UNC13C: variants seen among roughly 807,000 people sequenced by gnomAD.
UNC13C encodes the protein unc-13 homolog C.
UNC13C carries 174 observed loss-of-function variants against 245.4 expected under a neutral mutation model. The observed-to-expected ratio is 0.71, with a 90% confidence interval of 0.63 to 0.80. UNC13C has a LOEUF of 0.80. Ranked by LOEUF, UNC13C falls within the 30% of genes least tolerant of loss-of-function variation. UNC13C has a pLI of 0.00. For missense variants in UNC13C, 2,829 were observed against 2,602.9 expected (o/e 1.09, Z -1.89); for synonymous variants, 992 against 895.1 (o/e 1.11, Z -1.93).
chr15:54,191,962 T>C (rs757518868), intron 4 of UNC13C, among the ~76,000 whole-genome samples: 4 of 152,198 alleles, frequency 2.6e-5, no homozygotes, highest in Admixed American at 6.5e-5. Flanking sequence ...CTTTGTCAGA[T>C]GGATAGATTG....
intron 2 of UNC13C, among the ~76,000 whole-genome samples, chr15:54,079,918 C>G (rs193059468): frequency 1.3e-5 from 2 of 151,222 alleles, no homozygotes; most frequent in East Asian, 3.9e-4. Context: ...TCAACTTTTC[C>G]CCATTCAGTA....
At chr15:54,520,912 T>A (rs991489136) in intron 24 of UNC13C, among the ~76,000 whole-genome samples, 2 of 152,142 alleles carry the variant, frequency 1.3e-5, no homozygotes, top group African/African-American at 2.4e-5. Flanking sequence ...GGAAGGATAT[T>A]GGCTAGATGT....
At chr15:54,467,244 G>A (rs117779702) in intron 19 of UNC13C, among the ~76,000 whole-genome samples, 6,165 of 151,894 alleles carry the variant, frequency 0.041, 167 homozygotes, top group Non-Finnish European at 0.063. Flanking sequence ...TTCAGTAAAT[G>A]ATGGAGTTTT....
intron 2 of UNC13C, among the ~76,000 whole-genome samples, chr15:54,113,615 A>T (rs1460430669): frequency 6.6e-6 from 1 of 152,128 alleles, no homozygotes; most frequent in African/African-American, 2.4e-5. Flanking sequence ...TCATGAAGTC[A>T]GGAGATCAAG....
At chr15:54,461,469 C>G (rs1257762826) in intron 19 of UNC13C, among the ~76,000 whole-genome samples, 1 of 152,110 alleles carries the variant, frequency 6.6e-6, no homozygotes, top group Non-Finnish European at 1.5e-5. Flanking sequence ...TAAATGTCAT[C>G]TAGCAAAATA....
At chr15:54,283,170 G>C (rs2037044079) in intron 10 of UNC13C, among the ~76,000 whole-genome samples, 2 of 152,108 alleles carry the variant, frequency 1.3e-5, no homozygotes, top group African/African-American at 4.8e-5. Flanking sequence ...ACTGTATTCA[G>C]CTTTGAGGAG....
intron 2 of UNC13C, among the ~76,000 whole-genome samples, chr15:54,054,393 A>G (rs963237337): frequency 1.3e-5 from 2 of 152,212 alleles, no homozygotes; most frequent in Non-Finnish European, 2.9e-5. Context: ...GCATCCTGCT[A>G]TCATAATACC....
At chr15:53,945,530 C>T in the UNC13C span, among the ~76,000 whole-genome samples, 6 of 152,016 alleles carry the variant, frequency 3.9e-5, no homozygotes, top group Admixed American at 3.3e-4. Context: ...TTTTTGTCAG[C>T]TTTGTAAAAA....
rs1203605020 is a variant in UNC13C, at chr15:54,455,164, CCTCTCTCT to C, written c.4934-39409_4934-39402del. Among the ~76,000 whole-genome samples the C allele has an allele frequency of 3.8e-3, 66 of 17,518 alleles. 2 individuals are homozygous for C. The highest frequency in any genetic ancestry group is 0.011 in the African/African-American group (56 of 5,194). The allele number at this position is 17,518 out of a possible 152,430, so 11.5% of individuals were successfully genotyped here. A position where few individuals can be genotyped will look rare whatever the true frequency, so the allele number is the denominator to read the frequency against. ...TTCCTTTCTATGGCTGAGTCATATT[CCTCTCTCT>C]CTCTCTCTCTCTCTCTCTCTCTCTC... On this transcript the variant is annotated intron_variant, in intron 19 of 32. Coordinates refer to ENST00000260323, the MANE Select transcript of UNC13C (RefSeq NM_001080534.3).
intron 19 of UNC13C, among the ~76,000 whole-genome samples, chr15:54,453,625 T>C (rs1891304711): frequency 6.6e-6 from 1 of 152,234 alleles, no homozygotes; most frequent in Non-Finnish European, 1.5e-5. Flanking sequence ...GTGCAAATTA[T>C]CAGGAATGAA....
chr15:54,587,886 T>C (rs1346171870), intron 30 of UNC13C, among the ~76,000 whole-genome samples: 2 of 152,224 alleles, frequency 1.3e-5, no homozygotes, highest in Non-Finnish European at 2.9e-5. Flanking sequence ...TTAGATACAT[T>C]TTAATGACTA....
intron 8 of UNC13C, among the ~76,000 whole-genome samples, chr15:54,250,835 C>A (rs1250076847): frequency 9.8e-5 from 14 of 142,726 alleles, no homozygotes; most frequent in Middle Eastern, 3.8e-3. Flanking sequence ...CAACTCACTG[C>A]AAGCTCTGCC....
the UNC13C span, among the ~76,000 whole-genome samples, chr15:53,934,391 C>T: frequency 6.6e-6 from 1 of 152,296 alleles, no homozygotes; most frequent in South Asian, 2.1e-4. Context: ...GAGTTCTTTC[C>T]AACCCCCGCC....
intron 2 of UNC13C, among the ~76,000 whole-genome samples, chr15:54,076,769 G>C (rs1054490403): frequency 4.6e-5 from 7 of 152,178 alleles, no homozygotes; most frequent in African/African-American, 1.2e-4. Flanking sequence ...TTTTAGGTCA[G>C]ATCCCTGTGG....
intron 29 of UNC13C, among the ~76,000 whole-genome samples, chr15:54,567,017 GA>G (rs972650921): frequency 2.6e-5 from 4 of 151,928 alleles, no homozygotes; most frequent in East Asian, 1.9e-4. Context: ...TAAACAGGTA[GA>G]AAAAAACATC....
intron 30 of UNC13C, among the ~76,000 whole-genome samples, chr15:54,593,143 C>T (rs116669569): frequency 9.0e-4 from 137 of 152,302 alleles, no homozygotes; most frequent in African/African-American, 3.2e-3. Context: ...GGCCCAATCC[C>T]TTTTAGCTTG....
intron 1 of UNC13C, among the ~76,000 whole-genome samples, chr15:53,994,802 A>T (rs966335473): frequency 2.0e-5 from 3 of 152,158 alleles, no homozygotes; most frequent in African/African-American, 7.2e-5. Flanking sequence ...GAACTTATAT[A>T]AAAATGTTTA....
intron 4 of UNC13C, among the ~76,000 whole-genome samples, chr15:54,193,255 T>C (rs2034246444): frequency 1.3e-5 from 2 of 152,282 alleles, no homozygotes; most frequent in South Asian, 4.1e-4. Flanking sequence ...TTATGAATCA[T>C]AAATTCACCC....
At chr15:54,601,229 G>A (rs1032509850) in intron 30 of UNC13C, among the ~76,000 whole-genome samples, 1 of 152,170 alleles carries the variant, frequency 6.6e-6, no homozygotes, top group Non-Finnish European at 1.5e-5. Context: ...AACATGTTTT[G>A]GTGACCTATA....
Sources: gnomAD v4.1 joint callset for allele counts (sites outside exome capture counted in the v4.1 genomes callset) on GRCh38, gnomAD v4.1.1 for gene constraint, MANE v1.5 for transcripts, NCBI Gene and HGNC (gene_info 2026-07-23, HGNC 2026-07-21) for gene names.